Variants in SORCS2 observed in about 807,000 individuals in gnomAD.
The protein encoded by SORCS2 is VPS10 domain-containing receptor SorCS2.
SORCS2 carries 100 observed loss-of-function variants against 141.6 expected under a neutral mutation model. The observed-to-expected ratio is 0.71, with a 90% CI of 0.60 to 0.83. SORCS2 has a LOEUF of 0.83. Ranked by LOEUF, SORCS2 falls within the 40% of genes least tolerant of loss-of-function variation. The pLI is 0.00. For synonymous variants in SORCS2, 789 were observed against 676.9 expected (o/e 1.17, Z -2.57); for missense variants, 1,646 against 1,560.2 (o/e 1.05, Z -0.93).
At chr4:7,468,954 A>G (rs1382304163) in intron 2 of SORCS2, among the ~76,000 whole-genome samples, 1 of 152,208 alleles carries the variant, frequency 6.6e-6, no homozygotes, top group Non-Finnish European at 1.5e-5. Flanking sequence ...CTGAACTGCA[A>G]TGTGCTCATT....
chr4:7,332,816 G>A (rs965690262), intron 1 of SORCS2, among the ~76,000 whole-genome samples: 1 of 152,130 alleles, frequency 6.6e-6, no homozygotes, highest in Non-Finnish European at 1.5e-5. Context: ...CACTGGGGAT[G>A]GGGCAGAGTG....
At chr4:7,483,679 T>C (rs1257082755) in intron 2 of SORCS2, among the ~76,000 whole-genome samples, 2 of 150,398 alleles carry the variant, frequency 1.3e-5, no homozygotes, top group African/African-American at 4.9e-5. Context: ...TACAACGTCC[T>C]GGGAGGGAGT....
Position 7,663,551 on chromosome 4 carries a change from A to G in SORCS2, c.953-802A>G, listed in dbSNP as rs896980676. 1.3e-5 allele frequency among the ~76,000 whole-genome samples: 2 copies of G among 152,220 alleles called. No individual in the cohort carries two copies. Among genetic ancestry groups the G allele is most frequent in the African/African-American group, 4.8e-5 (2 of 41,460 alleles). The stretch of plus-strand genomic sequence containing the variant: ...GCTGCTGCCCACGTACCCTCTGTGT[A>G]CACTGCCTTCTGCCTCCTCTGAACA... On this transcript the variant is annotated intron_variant, in intron 6 of 26. Transcript: ENST00000507866. The surrounding 1 kb of genome is among the most constrained non-coding windows in gnomAD (Gnocchi z 4.8).
At chr4:7,584,333 T>C (rs1716386538) in intron 3 of SORCS2, among the ~76,000 whole-genome samples, 1 of 152,188 alleles carries the variant, frequency 6.6e-6, no homozygotes, top group Non-Finnish European at 1.5e-5. Context: ...TTCTTGACCC[T>C]ACAGTTGGGT....
intron 3 of SORCS2, among the ~76,000 whole-genome samples, chr4:7,557,991 A>C (rs1003719156): frequency 6.6e-6 from 1 of 152,200 alleles, no homozygotes; most frequent in Non-Finnish European, 1.5e-5. Context: ...ATGGACTAAC[A>C]GTTCAGCCAG....
intron 1 of SORCS2, among the ~76,000 whole-genome samples, chr4:7,308,033 T>C (rs1400785756): frequency 6.6e-6 from 1 of 152,156 alleles, no homozygotes; most frequent in Non-Finnish European, 1.5e-5. Flanking sequence ...TGTCTTTTTC[T>C]AGAGGCCATC....
chr4:7,377,868 C>G (rs1486403115), intron 1 of SORCS2, among the ~76,000 whole-genome samples: 1 of 152,218 alleles, frequency 6.6e-6, no homozygotes, highest in East Asian at 1.9e-4. Flanking sequence ...CGTTCCCGTC[C>G]TCGTCCTTCC....
intron 3 of SORCS2, among the ~76,000 whole-genome samples, chr4:7,533,327 G>A (rs1318893948): frequency 6.6e-6 from 1 of 152,168 alleles, no homozygotes; most frequent in Non-Finnish European, 1.5e-5. Context: ...CCTTCTTCCT[G>A]GGGTTGCTGT....
At chr4:7,532,088 C>T (rs1261184305) in intron 3 of SORCS2, among the ~76,000 whole-genome samples, 1 of 152,198 alleles carries the variant, frequency 6.6e-6, no homozygotes, top group East Asian at 1.9e-4. Context: ...TCTGGGGGAA[C>T]TTCCTGACTT....
rs112506164 is a variant in SORCS2 at position 7,362,732 on chromosome 4, C to A, written c.481-33556C>A. 8.2e-3 allele frequency among the ~76,000 whole-genome samples: 1,254 copies of A among 152,088 alleles called. 7 individuals carry two copies. The highest frequency in any genetic ancestry group is 0.045 in the South Asian group (214 of 4,802). On this transcript the variant is annotated intron_variant, in intron 1 of 26. Transcript: ENST00000507866. ...CCACCATCATTACCACCAGCACTATCACCATCATCACCACTAACATCACCA... is the reference window on the plus strand; with the variant it reads ...CCACCATCATTACCACCAGCACTATAACCATCATCACCACTAACATCACCA...
chr4:7,379,886 A>G (rs1017432014), intron 1 of SORCS2, among the ~76,000 whole-genome samples: 2 of 152,202 alleles, frequency 1.3e-5, no homozygotes, highest in African/African-American at 4.8e-5. Context: ...TTTTTAAAAT[A>G]CTTTTCTTAA....
At chr4:7,353,943 C>A (rs115546873) in intron 1 of SORCS2, among the ~76,000 whole-genome samples, 2 of 152,180 alleles carry the variant, frequency 1.3e-5, no homozygotes, top group East Asian at 3.8e-4. Context: ...CACAGCTTCC[C>A]GGCAAGAAGC....
intron 2 of SORCS2, among the ~76,000 whole-genome samples, chr4:7,478,695 C>T (rs10937823): frequency 0.074 from 11,287 of 152,192 alleles, 668 homozygotes; most frequent in South Asian, 0.23. Flanking sequence ...TGTGGGTGCC[C>T]GATCAATATT....
intron 1 of SORCS2, among the ~76,000 whole-genome samples, chr4:7,245,754 C>A (rs1713040235): frequency 1.3e-5 from 2 of 152,206 alleles, no homozygotes; most frequent in African/African-American, 4.8e-5. Context: ...CAGTGACCCT[C>A]TGCTGGGTGG....
At position 7,396,367 on chromosome 4, in the gene SORCS2, C is replaced by G. The variant is rs75252298; in HGVS notation, c.548+12C>G. Reference sequence around the variant, plus strand: ...AGTTCTCTGTGGCGGTAAGTCAGCCCGATGGCAGGCCTTTCTCTTATGCAC... The same window carrying G: ...AGTTCTCTGTGGCGGTAAGTCAGCCGGATGGCAGGCCTTTCTCTTATGCAC... On this transcript the variant is annotated intron_variant, in intron 2 of 26. Coordinates refer to ENST00000507866, the MANE Select transcript of SORCS2 (RefSeq NM_020777.3). 0.019 allele frequency: 29,895 copies of G among 1,613,444 alleles called. 1,137 individuals are homozygous for G. Among genetic ancestry groups the G allele is most frequent in the Admixed American group, 0.14 (8,669 of 59,926 alleles).
chr4:7,365,330 G>T (rs571184977), intron 1 of SORCS2, among the ~76,000 whole-genome samples: 31 of 152,206 alleles, frequency 2.0e-4, no homozygotes, highest in Non-Finnish European at 3.4e-4. Context: ...CGCAAGGTTT[G>T]GGGGTCACTT....
intron 1 of SORCS2, among the ~76,000 whole-genome samples, chr4:7,204,557 T>G (rs1389326355): frequency 1.3e-5 from 2 of 152,172 alleles, no homozygotes; most frequent in African/African-American, 4.8e-5. Context: ...TTTATCTGCA[T>G]CAGAAGTCAC....
At chr4:7,682,524 C>A (rs1723585865) in intron 9 of SORCS2, among the ~76,000 whole-genome samples, 1 of 152,202 alleles carries the variant, frequency 6.6e-6, no homozygotes, top group African/African-American at 2.4e-5. Flanking sequence ...CAGAGCTAGA[C>A]AGAACTAGCT....
chr4:7,725,221 A>G lies in SORCS2; in HGVS notation c.2679A>G (p.Thr893=), dbSNP rs780225704. 6.2e-7 allele frequency: 1 copy of G among 1,613,644 alleles called. No individual in the cohort carries two copies. Among genetic ancestry groups the G allele is most frequent in the South Asian group, 1.1e-5 (1 of 91,088 alleles). Reference sequence around the variant, plus strand: ...GCCTCAACCAGGAGGTGAACCTCACAGCTGTGCTGCTTCCCTTGAACCCTA... The same window carrying G: ...GCCTCAACCAGGAGGTGAACCTCACGGCTGTGCTGCTTCCCTTGAACCCTA... The part of the protein sequence containing the change: ...VIGLNQEVNL[T]AVLLPLNPNL... Residue 893 remains threonine, a synonymous_variant, in exon 20 of 27, where the codon ACA becomes ACG. Transcript: ENST00000507866.
Sources: gnomAD v4.1 joint callset for allele counts (sites outside exome capture counted in the v4.1 genomes callset) on GRCh38, gnomAD v4.1.1 for gene constraint, Gnocchi (gnomAD v3.1) non-coding constraint, MANE v1.5 for transcripts, NCBI Gene and HGNC (gene_info 2026-07-23, HGNC 2026-07-21) for gene names.